The following NAALADL2 variants were observed in gnomAD, a reference collection of about 807,000 sequenced individuals.
The protein encoded by NAALADL2 is N-acetylated alpha-linked acidic dipeptidase like 2.
In NAALADL2, 76 loss-of-function variants were observed where a neutral mutation model predicts 87.2. That is an observed-to-expected ratio of 0.87 (90% CI 0.72 to 1.05). The LOEUF is 1.05. NAALADL2 is among the 50% of genes least tolerant of loss of function. The pLI is 0.00. For synonymous variants in NAALADL2, 354 were observed against 331.0 expected, an observed-to-expected ratio of 1.07 and a Z score of -0.75; for missense variants, 1,089 against 945.8, an observed-to-expected ratio of 1.15 and a Z score of -1.99.
chr3:175,616,309 T>A (rs959107736), intron 10 of NAALADL2, among the ~76,000 whole-genome samples: 3 of 148,748 alleles, frequency 2.0e-5, no homozygotes, highest in Admixed American at 6.7e-5. Flanking sequence ...AAATAAATGT[T>A]TAAATAAATC....
intron 1 of NAALADL2, among the ~76,000 whole-genome samples, chr3:174,499,056 T>A (rs1256341516): frequency 6.6e-6 from 1 of 152,116 alleles, no homozygotes; most frequent in Non-Finnish European, 1.5e-5. Flanking sequence ...TAATTGTTAA[T>A]CTCTGACTGT....
At chr3:175,049,744 C>T (rs571158830) in intron 1 of NAALADL2, among the ~76,000 whole-genome samples, 6 of 152,310 alleles carry the variant, frequency 3.9e-5, no homozygotes, top group East Asian at 3.9e-4. Flanking sequence ...TGTCACATAA[C>T]CTCCCATAGC....
At chr3:175,180,494 G>A (rs1195098833) in intron 2 of NAALADL2, among the ~76,000 whole-genome samples, 1 of 151,886 alleles carries the variant, frequency 6.6e-6, no homozygotes, top group Non-Finnish European at 1.5e-5. Context: ...GTGAAGGCAA[G>A]ACTGAAATCA....
chr3:175,350,011 T>G (rs1763589290), intron 5 of NAALADL2, among the ~76,000 whole-genome samples: 1 of 151,216 alleles, frequency 6.6e-6, no homozygotes, highest in Non-Finnish European at 1.5e-5. Context: ...TCAGGCACAC[T>G]TACAGTTTTT....
At chr3:174,735,212 T>C (rs1264440249) in intron 2 of NAALADL2, among the ~76,000 whole-genome samples, 2 of 152,188 alleles carry the variant, frequency 1.3e-5, no homozygotes, top group Admixed American at 6.5e-5. Context: ...AATCTTGGTA[T>C]TGGAAGATAT....
At chr3:175,246,676 A>T (rs1406502513) in intron 3 of NAALADL2, among the ~76,000 whole-genome samples, 1 of 152,124 alleles carries the variant, frequency 6.6e-6, no homozygotes, top group Admixed American at 6.6e-5. Flanking sequence ...GATTGTAGGA[A>T]ATAATAATTC....
At chr3:174,789,187 C>T (rs369475011) in intron 3 of NAALADL2, among the ~76,000 whole-genome samples, 1 of 152,148 alleles carries the variant, frequency 6.6e-6, no homozygotes, top group Non-Finnish European at 1.5e-5. Flanking sequence ...CACAGAAACT[C>T]CAGGACTGGG....
chr3:174,600,782 C>T (rs923541422), intron 2 of NAALADL2, among the ~76,000 whole-genome samples: 2 of 151,936 alleles, frequency 1.3e-5, no homozygotes, highest in African/African-American at 4.8e-5. Flanking sequence ...GGGGGAGGCA[C>T]CAAACAATTT....
chr3:175,538,943 G>T (rs1463651155), intron 9 of NAALADL2, among the ~76,000 whole-genome samples: 1 of 152,088 alleles, frequency 6.6e-6, no homozygotes, highest in African/African-American at 2.4e-5. Context: ...GCAAGAGCAG[G>T]CAGAAAAATT....
At chr3:174,806,139 T>A (rs1719450271) in intron 3 of NAALADL2, among the ~76,000 whole-genome samples, 1 of 152,204 alleles carries the variant, frequency 6.6e-6, no homozygotes, top group Non-Finnish European at 1.5e-5. Context: ...TTGTCCCTGG[T>A]TGGGCTTCTC....
At chr3:174,917,814 A>G (rs1734612755) in intron 1 of NAALADL2, among the ~76,000 whole-genome samples, 1 of 151,964 alleles carries the variant, frequency 6.6e-6, no homozygotes, top group South Asian at 2.1e-4. Context: ...CTGGCCCCAC[A>G]GATATTTGTG....
chr3:175,050,157 C>T (rs1469912504), intron 1 of NAALADL2, among the ~76,000 whole-genome samples: 1 of 152,168 alleles, frequency 6.6e-6, no homozygotes, highest in African/African-American at 2.4e-5. Context: ...TGGTGGTTTC[C>T]ACCTTGTGAC....
chr3:175,674,263 TG>T (rs1560955710), intron 11 of NAALADL2, among the ~76,000 whole-genome samples: 2 of 150,266 alleles, frequency 1.3e-5, no homozygotes, highest in African/African-American at 5.0e-5. Flanking sequence ...TTTTTTTGTT[TG>T]TTTTGTTTTT....
intron 2 of NAALADL2, among the ~76,000 whole-genome samples, chr3:174,599,057 C>G (rs1430002161): frequency 6.6e-6 from 1 of 152,108 alleles, no homozygotes; most frequent in African/African-American, 2.4e-5. Context: ...ACAGCTGAGA[C>G]TTTTTGCTTA....
At chr3:174,858,732 A>G (rs145958355), upstream of NAALADL2, among the ~76,000 whole-genome samples, 448 of 152,088 alleles carry the variant, frequency 2.9e-3, 2 homozygotes, top group African/African-American at 0.01. Flanking sequence ...TTTATTGTCC[A>G]TTATTCACAG....
chr3:175,596,130 A>G (rs1182110730), intron 10 of NAALADL2, among the ~76,000 whole-genome samples: 1 of 151,986 alleles, frequency 6.6e-6, no homozygotes, highest in African/African-American at 2.4e-5. Flanking sequence ...CTGATAAAAT[A>G]CTGAAGTATT....
At chr3:174,751,434 G>A (rs1176230868) in intron 3 of NAALADL2, among the ~76,000 whole-genome samples, 1 of 152,042 alleles carries the variant, frequency 6.6e-6, no homozygotes, top group Non-Finnish European at 1.5e-5. Flanking sequence ...AGGCCAAGGC[G>A]GGTGGATTAC....
chr3:174,645,554 A>T (rs1723694702), intron 2 of NAALADL2, among the ~76,000 whole-genome samples: 1 of 152,220 alleles, frequency 6.6e-6, no homozygotes, highest in African/African-American at 2.4e-5. Context: ...TTCTCCCTAC[A>T]AAAAGGCCAT....
intron 2 of NAALADL2, among the ~76,000 whole-genome samples, chr3:174,703,645 G>A (rs1376902663): frequency 6.6e-6 from 1 of 152,110 alleles, no homozygotes; most frequent in African/African-American, 2.4e-5. Flanking sequence ...TGCATGGTCT[G>A]AACATTTTTT....
Sources: allele counts gnomAD v4.1 joint callset (sites outside exome capture counted in the v4.1 genomes callset), GRCh38; gene constraint gnomAD v4.1.1; transcripts MANE v1.5; gene names NCBI Gene and HGNC (gene_info 2026-07-23, HGNC 2026-07-21).